TSR1: variants seen among roughly 807,000 people sequenced by gnomAD.
The protein encoded by TSR1 is TSR1 ribosome maturation factor.
Under a neutral mutation model 90.9 loss-of-function variants are expected in TSR1, and 81 were observed. That is an observed-to-expected ratio of 0.89 (90% confidence interval 0.74 to 1.07). The LOEUF (loss-of-function observed/expected upper bound fraction) is 1.07, where lower values mean the gene tolerates loss of function less well. Among genes scored for constraint, TSR1 ranks in the 50% least tolerant of loss-of-function variants. TSR1 has a pLI of 0.00. For synonymous variants in TSR1, 362 were observed against 348.8 expected, an observed-to-expected ratio of 1.04 and a Z score of -0.42; for missense variants, 989 against 987.3, an observed-to-expected ratio of 1.00 and a Z score of -0.02.
At chr17:2,329,611 A>G in intron 10 of TSR1, 136 bp from the exon 11 acceptor site, 1 of 1,071,006 alleles carries the variant, frequency 9.3e-7, no homozygotes, top group Non-Finnish European at 1.3e-6. Context: ...TGGAGTGTAG[A>G]TGCTGAAACA....
chr17:2,333,729 A>G lies in TSR1; in HGVS notation c.982-13T>C, dbSNP rs377457703. The G allele has an allele frequency of 6.2e-7, 1 of 1,613,846 alleles. No individual in the cohort carries two copies. Among genetic ancestry groups the G allele is most frequent in the African/African-American group, 1.3e-5 (1 of 75,032 alleles). ...CCGTAGCACAAATCTGAAAACCAAA[A>G]GCAGGTGATAGTCAACCATGAACCA... On this transcript the variant is annotated splice_polypyrimidine_tract_variant and intron_variant, in intron 5 of 14. Transcript: ENST00000301364.
intron 7 of TSR1, among the ~76,000 whole-genome samples, 192 bp from the exon 8 acceptor site, chr17:2,332,551 A>C (rs2151441395): frequency 6.6e-6 from 1 of 152,252 alleles, no homozygotes; most frequent in Admixed American, 6.5e-5. Context: ...AACTAACCAT[A>C]CACGGCCGGG....
chr17:2,333,547 C>G lies in TSR1; in HGVS notation c.1141+10G>C. The stretch of plus-strand genomic sequence containing the variant: ...TCAGATGAATTACAGACAAGTTTAC[C>G]AATACTGACCCTTTGCCTCGCTCAG... On this transcript the variant is annotated intron_variant, in intron 6 of 14. Coordinates refer to ENST00000301364, the MANE Select transcript of TSR1 (RefSeq NM_018128.5). 3 of 1,613,930 alleles carry G rather than the reference C, an allele frequency of 1.9e-6. No individual in the cohort carries two copies. Among genetic ancestry groups the G allele is most frequent in the Non-Finnish European group, 2.5e-6 (3 of 1,179,930 alleles).
Position 2,323,251 on chromosome 17 carries a change from C to T in TSR1, c.*945G>A, listed in dbSNP as rs1372818564. On this transcript the variant is annotated 3_prime_UTR_variant, in exon 15 of 15. Transcript: ENST00000301364. ...AATCTTTATCCTCCAGAAACCATAG[C>T]AGATGGTGTCAAATCCAGCATTGGC... is the stretch of plus-strand genomic sequence containing the variant. The T allele has an allele frequency of 1.2e-6, 2 of 1,614,216 alleles. No homozygotes were observed. The highest frequency in any genetic ancestry group is 2.2e-5 in the East Asian group (1 of 44,886).
intron 12 of TSR1, 40 bp from the exon 13 acceptor site, chr17:2,324,869 G>A (rs771998438): frequency 1.4e-5 from 22 of 1,581,984 alleles, no homozygotes; most frequent in Non-Finnish European, 1.9e-5. Flanking sequence ...GGAATTTACA[G>A]GCCAAAGTCT....
Position 2,336,103 on chromosome 17 carries a change from T to C in TSR1, c.135A>G (p.Arg45=), listed in dbSNP as rs1402999314. The change falls in exon 2 of 15, where the codon AGA becomes AGG. Residue 45 remains arginine (R), a synonymous_variant. Coordinates refer to ENST00000301364, the MANE Select transcript of TSR1 (RefSeq NM_018128.5). ...TCTGGTCGACTCTGCTGAGTTCTTTTCTCACCTTCTTGCTTAGGGTTTTCA... is the reference window on the plus strand; with the variant it reads ...TCTGGTCGACTCTGCTGAGTTCTTTCCTCACCTTCTTGCTTAGGGTTTTCA... ...LALKTLSKKV[R]KELSRVDQRH... is the part of the protein sequence containing the mutation. 6.2e-7 allele frequency: 1 copy of C among 1,614,094 alleles called. No individual in the cohort carries two copies. Among genetic ancestry groups the C allele is most frequent in the Non-Finnish European group, 8.5e-7 (1 of 1,180,034 alleles).
Position 2,324,586 on chromosome 17 carries a change from T to A in TSR1, c.2162-8A>T. 1 of 1,614,112 alleles carries A rather than the reference T, an allele frequency of 6.2e-7. No homozygotes were observed. The highest frequency in any genetic ancestry group is 8.5e-7 in the Non-Finnish European group (1 of 1,180,030). On this transcript the variant is annotated splice_polypyrimidine_tract_variant and splice_region_variant and intron_variant, in intron 13 of 14. Transcript: ENST00000301364. The stretch of plus-strand genomic sequence containing the variant: ...TAAACCACAGCACATCCTCTTAGAA[T>A]CAAACACATTAAAGACCAAGATGAA...
In TSR1 at chr17:2,334,466, T is replaced by C. The variant is rs747273268; in HGVS notation, c.981+6A>G. 45 of 1,610,482 alleles carry C rather than the reference T, an allele frequency of 2.8e-5. No individual in the cohort carries two copies. Among genetic ancestry groups the C allele is most frequent in the Non-Finnish European group, 3.7e-5 (44 of 1,177,824 alleles). ...TATGAACATGAATTAAGAATATCAG[T>C]CTTACCTCCATTGCCATGTCTGGGT... On this transcript the variant is annotated splice_donor_region_variant and intron_variant, in intron 5 of 14. Coordinates refer to ENST00000301364, the MANE Select transcript of TSR1 (RefSeq NM_018128.5).
chr17:2,325,010 C>G, intron 12 of TSR1, 181 bp from the exon 13 acceptor site: 1 of 658,388 alleles, frequency 1.5e-6, no homozygotes, highest in Non-Finnish European at 2.5e-6. Context: ...TTCTTGAAAA[C>G]TTGTACTTCA....
Position 2,325,377 on chromosome 17 carries a change from G to C in TSR1, c.1947C>G (p.Ala649=). Residue 649 remains alanine, a synonymous_variant, in exon 12 of 15, where the codon GCC becomes GCG. Coordinates refer to ENST00000301364, the MANE Select transcript of TSR1 (RefSeq NM_018128.5). ...KLQRFLTADM[A]LVATVYAPIT... ...TTGGCGCATAGACTGTCGCCACCAG[G>C]GCCATGTCAGCAGTCAGGAATCTCT... The C allele has an allele frequency of 2.5e-6, 4 of 1,613,292 alleles. No individual in the cohort carries two copies. The highest frequency in any genetic ancestry group is 3.4e-6 in the Non-Finnish European group (4 of 1,179,824).
At chr17:2,332,404 T>A (rs975685309) in intron 7 of TSR1, 45 bp from the exon 8 acceptor site, 2 of 1,510,494 alleles carry the variant, frequency 1.3e-6, no homozygotes, top group African/African-American at 2.8e-5. Flanking sequence ...TCCACACCTG[T>A]CTCTACCCCA....
intron 11 of TSR1, 101 bp downstream of exon 11, chr17:2,329,240 CAG>C: frequency 5.9e-6 from 9 of 1,538,082 alleles, no homozygotes; most frequent in African/African-American, 4.1e-5. Flanking sequence ...ACCTCTAACC[CAG>C]AGATGTAAGA....
chr17:2,323,731 T>C lies in TSR1; in HGVS notation c.*465A>G. On this transcript the variant is annotated 3_prime_UTR_variant, in exon 15 of 15. Coordinates refer to ENST00000301364, the MANE Select transcript of TSR1 (RefSeq NM_018128.5). ...GCTGGTGTTGGAGTGGCTGCTGTGC[T>C]GTCTCAACATTTTCAAACTGTTTCC... 6.2e-7 allele frequency: 1 copy of C among 1,614,240 alleles called. No homozygotes were observed. The highest frequency in any genetic ancestry group is 8.5e-7 in the Non-Finnish European group (1 of 1,180,030).
intron 10 of TSR1, chr17:2,330,178 C>T (rs1379932003): frequency 2.2e-6 from 1 of 459,388 alleles, no homozygotes; most frequent in East Asian, 5.6e-5. Context: ...CTTGGCCTCC[C>T]AAAAAGTGCT....
At chr17:2,329,246 T>C in intron 11 of TSR1, 97 bp downstream of exon 11, 1 of 1,544,930 alleles carries the variant, frequency 6.5e-7, no homozygotes, top group East Asian at 2.2e-5. Context: ...AACCCAGAGA[T>C]GTAAGATTTT....
rs769213496 is a variant in TSR1 at position 2,336,129 on chromosome 17, G to C, written c.109C>G (p.Leu37Val). 2.5e-6 allele frequency: 4 copies of C among 1,614,090 alleles called. No individual in the cohort carries two copies. The highest frequency in any genetic ancestry group is 3.4e-6 in the Non-Finnish European group (4 of 1,180,044). ...CTCACCTTCTTGCTTAGGGTTTTCA[G>C]TGCCAGACGGCCTGAATGGCAGATT... Reference protein sequence around the residue: ...AQRDGKGRLALKTLSKKVRKE... With the variant: ...AQRDGKGRLAVKTLSKKVRKE... The change falls in exon 2 of 15, where the codon CTG (leucine) becomes GTG (valine). Residue 37 changes from leucine to valine, a missense_variant. Transcript: ENST00000301364.
rs1171305175 is a variant in TSR1 at position 2,336,069 on chromosome 17, C to A, written c.169G>T (p.Ala57Ser). The A allele has an allele frequency of 6.2e-7, 1 of 1,614,184 alleles. No homozygotes were observed. ...TTCTTCTGCTTTCGGAGCTGGCTGG[C>A]GCGATGCCTCTGGTCGACTCTGCTG... The part of the protein sequence containing the change: ...ELSRVDQRHR[A>S]SQLRKQKKEA... Residue 57 changes from alanine (A) to serine (S), a missense_variant, in exon 2 of 15, where the codon GCC (alanine) becomes TCC (serine). Transcript: ENST00000301364.
rs764097202 is a variant in TSR1, at chr17:2,330,622, C to T, written c.1663G>A (p.Gly555Ser). The T allele has an allele frequency of 6.2e-7, 1 of 1,613,258 alleles. No individual in the cohort carries two copies. Among genetic ancestry groups the T allele is most frequent in the South Asian group, 1.1e-5 (1 of 91,010 alleles). The part of the protein sequence containing the change: ...EEKEVEGAEV[G>S]WYVTLHVSEV... ...GAGACATGAAGTGTGACATACCAGC[C>T]AACCTGCCACAAGAAAGCAGAAAGC... Residue 555 changes from glycine (G) to serine (S), a missense_variant, in exon 10 of 15, where the codon GGC becomes AGC. Physicochemically the swap from Gly to Ser is moderately conservative, Grantham distance 56. Transcript: ENST00000301364.
intron 11 of TSR1, among the ~76,000 whole-genome samples, chr17:2,328,301 C>T (rs1369993967): frequency 6.6e-6 from 1 of 150,544 alleles, no homozygotes; most frequent in Non-Finnish European, 1.5e-5. Context: ...AATCCCAGCA[C>T]TTTGGGAGAC....
Sources: allele counts gnomAD v4.1 joint callset (sites outside exome capture counted in the v4.1 genomes callset), GRCh38; gene constraint gnomAD v4.1.1; transcripts MANE v1.5; gene names NCBI Gene and HGNC (gene_info 2026-07-23, HGNC 2026-07-21).